The following XIRP2 variants were observed in gnomAD, a reference collection of about 807,000 sequenced individuals.
XIRP2 encodes the protein xin actin-binding repeat-containing protein 2.
In XIRP2, 236 loss-of-function variants were observed where a neutral mutation model predicts 277.0. That is an observed-to-expected ratio of 0.85 (90% confidence interval 0.77 to 0.95). XIRP2 has a LOEUF of 0.95. Ranked by LOEUF, XIRP2 falls within the 40% of genes least tolerant of loss-of-function variation. XIRP2 has a pLI of 0.00. For missense variants in XIRP2, 4,640 were observed against 4,157.5 expected, an observed-to-expected ratio of 1.12 and a Z score of -3.19; for synonymous variants, 1,490 against 1,416.5, an observed-to-expected ratio of 1.05 and a Z score of -1.17.
At chr2:166,968,436 A>C (rs1686486166) in intron 2 of XIRP2, among the ~76,000 whole-genome samples, 1 of 152,020 alleles carries the variant, frequency 6.6e-6, no homozygotes, top group Admixed American at 6.6e-5. Flanking sequence ...TAAAAATTTA[A>C]AATACAGAAA....
chr2:167,034,457 G>A (rs1394739089), intron 2 of XIRP2, among the ~76,000 whole-genome samples: 1 of 150,474 alleles, frequency 6.6e-6, no homozygotes, highest in Non-Finnish European at 1.5e-5. Context: ...GAATATAGAT[G>A]GACTAAACAC....
At chr2:167,227,057 G>A (rs1238534883) in intron 5 of XIRP2, among the ~76,000 whole-genome samples, 1 of 152,112 alleles carries the variant, frequency 6.6e-6, no homozygotes, top group East Asian at 1.9e-4. Flanking sequence ...GTACAGCAAT[G>A]ACTATGACAG....
At chr2:166,899,908 A>G (rs1273347948) in intron 1 of XIRP2, among the ~76,000 whole-genome samples, 2 of 151,888 alleles carry the variant, frequency 1.3e-5, no homozygotes, top group Non-Finnish European at 2.9e-5. Flanking sequence ...TGCTGGTACT[A>G]TTGTCTTTGT....
At chr2:166,971,895 C>T (rs1325376284) in intron 2 of XIRP2, among the ~76,000 whole-genome samples, 1 of 152,082 alleles carries the variant, frequency 6.6e-6, no homozygotes, top group East Asian at 1.9e-4. Flanking sequence ...ATTACCTTAA[C>T]ATTTTCATGT....
chr2:166,915,562 C>T (rs902402242), intron 2 of XIRP2, among the ~76,000 whole-genome samples: 37 of 152,028 alleles, frequency 2.4e-4, no homozygotes, highest in South Asian at 4.1e-4. Context: ...AGTTGCTGTC[C>T]ATAGGTATTA....
intron 2 of XIRP2, among the ~76,000 whole-genome samples, chr2:166,955,066 TATAAA>T (rs770512183): frequency 1.3e-5 from 2 of 151,874 alleles, no homozygotes; most frequent in Non-Finnish European, 2.9e-5. Context: ...CCCCGGAACT[TATAAA>T]ATAAAATAAT....
chr2:167,086,496 C>A (rs1447618495), intron 2 of XIRP2, among the ~76,000 whole-genome samples: 1 of 151,628 alleles, frequency 6.6e-6, no homozygotes. Flanking sequence ...GCCTGCCTTG[C>A]TAGATTGGGG....
chr2:167,190,528 G>T (rs1049294378), intron 3 of XIRP2, among the ~76,000 whole-genome samples: 3 of 151,916 alleles, frequency 2.0e-5, no homozygotes, highest in Non-Finnish European at 4.4e-5. Flanking sequence ...TCCACAATAT[G>T]GTCTTCTCCT....
chr2:167,241,901 G>T lies in XIRP2; in HGVS notation c.1167G>T (p.Lys389Asn), dbSNP rs750293086. 2 of 1,612,270 alleles carry T rather than the reference G, an allele frequency of 1.2e-6. No individual in the cohort carries two copies. The highest frequency in any genetic ancestry group is 1.1e-5 in the South Asian group (1 of 90,786). ...YSDKEMTTPA[K>N]QIKTESEYEE... ...ACAAAGAGATGACAACCCCAGCCAA[G>T]CAGATTAAGGTAAAGTCATTTCTTT... The change falls in exon 8 of 11, where the codon AAG becomes AAT. Residue 389 changes from lysine to asparagine, a missense_variant. Lys to Asn is a moderately conservative substitution (Grantham distance 94, BLOSUM62 0). Coordinates refer to ENST00000409195, the MANE Select transcript of XIRP2 (RefSeq NM_152381.6).
chr2:166,955,636 C>A (rs1275799864), intron 2 of XIRP2, among the ~76,000 whole-genome samples: 3 of 151,662 alleles, frequency 2.0e-5, no homozygotes, highest in African/African-American at 7.3e-5. Flanking sequence ...GAATAGTTGC[C>A]GTTTTAAAAT....
intron 5 of XIRP2, among the ~76,000 whole-genome samples, chr2:167,226,985 T>C (rs1014685669): frequency 1.3e-5 from 2 of 152,114 alleles, no homozygotes; most frequent in African/African-American, 4.8e-5. Flanking sequence ...GTAATTGATT[T>C]AATTGTTCTG....
intron 2 of XIRP2, among the ~76,000 whole-genome samples, chr2:166,974,490 T>C (rs1372504282): frequency 6.6e-6 from 1 of 152,020 alleles, no homozygotes. Context: ...CATCTATCTA[T>C]ACACATACAC....
At chr2:167,001,633 A>G (rs528068303) in intron 2 of XIRP2, among the ~76,000 whole-genome samples, 1 of 152,134 alleles carries the variant, frequency 6.6e-6, no homozygotes. Context: ...AATAACCTGC[A>G]TTATTAGTTA....
intron 2 of XIRP2, among the ~76,000 whole-genome samples, chr2:167,122,689 A>G (rs904257695): frequency 1.3e-5 from 2 of 152,174 alleles, no homozygotes; most frequent in African/African-American, 4.8e-5. Context: ...TACTTAGTGT[A>G]CTTGTGAGCA....
Position 167,218,203 on chromosome 2 carries a change from G to T in XIRP2, c.761G>T (p.Gly254Val). The T allele has an allele frequency of 6.2e-7, 1 of 1,606,322 alleles. No individual in the cohort carries two copies. The highest frequency in any genetic ancestry group is 8.5e-7 in the Non-Finnish European group (1 of 1,176,878). The change falls in exon 5 of 11, where the codon GGT becomes GTT. Residue 254 changes from glycine (G) to valine (V), a missense_variant. Physicochemically the swap from Gly to Val is moderately radical, Grantham distance 109. Coordinates refer to ENST00000409195, the MANE Select transcript of XIRP2 (RefSeq NM_152381.6). Reference sequence around the variant, plus strand: ...TCAGAAATGTGCGCAGTGCCTGGTGGTTTGGCCAAGGTGAAGAAACAATTT... The same window carrying T: ...TCAGAAATGTGCGCAGTGCCTGGTGTTTTGGCCAAGGTGAAGAAACAATTT... ...EESEMCAVPG[G>V]LAKVKKQFED...
At chr2:166,960,445 C>T (rs368656127) in intron 2 of XIRP2, among the ~76,000 whole-genome samples, 10 of 151,766 alleles carry the variant, frequency 6.6e-5, no homozygotes, top group African/African-American at 2.4e-4. Context: ...GGTTTGATCT[C>T]CTTTTTGCAA....
At chr2:166,941,464 T>G (rs1685712667) in intron 2 of XIRP2, among the ~76,000 whole-genome samples, 1 of 152,164 alleles carries the variant, frequency 6.6e-6, no homozygotes, top group African/African-American at 2.4e-5. Context: ...GCACCCACTG[T>G]CCGACAAGCC....
chr2:166,932,896 G>A (rs1685386510), intron 2 of XIRP2, among the ~76,000 whole-genome samples: 1 of 151,830 alleles, frequency 6.6e-6, no homozygotes, highest in Non-Finnish European at 1.5e-5. Context: ...CTATTCATTT[G>A]GTCTGTTTGT....
rs1692201205 is a variant in XIRP2, at chr2:167,156,463, ATTCTTAGAACAC to A, written c.562+20406_562+20417del. ...TTAGTTTGCCAGCTAGGGAAAGTGC[ATTCTTAGAACAC>A]TTCTGTAAGATGTATCTATAATTAA... On this transcript the variant is annotated intron_variant, in intron 3 of 10. Coordinates refer to ENST00000409195, the MANE Select transcript of XIRP2 (RefSeq NM_152381.6). 3.3e-5 allele frequency among the ~76,000 whole-genome samples: 5 copies of A among 152,114 alleles called. No individual in the cohort carries two copies. In the South Asian group the frequency reaches 1.0e-3, roughly 32 times the overall value.
Sources: allele counts gnomAD v4.1 joint callset (sites outside exome capture counted in the v4.1 genomes callset), GRCh38; gene constraint gnomAD v4.1.1; transcripts MANE v1.5; gene names NCBI Gene and HGNC (gene_info 2026-07-23, HGNC 2026-07-21).